Variants in AP1G1 observed in about 807,000 individuals in gnomAD.
AP1G1 encodes adaptor related protein complex 1 subunit gamma 1.
Under a neutral mutation model 108.3 loss-of-function variants are expected in AP1G1, and 7 were observed. The observed-to-expected ratio is 0.06, with a 90% CI of 0.04 to 0.12. The LOEUF (loss-of-function observed/expected upper bound fraction) is 0.12. AP1G1 is among the 10% of genes least tolerant of loss of function. The pLI is 1.00. For missense variants in AP1G1, 756 were observed against 1,010.7 expected (o/e 0.75, Z 3.42); for synonymous variants, 379 against 353.5 (o/e 1.07, Z -0.81).
intron 10 of AP1G1, among the ~76,000 whole-genome samples, chr16:71,759,356 G>A (rs2030964452): frequency 6.6e-6 from 1 of 152,178 alleles, no homozygotes; most frequent in Admixed American, 6.5e-5. Flanking sequence ...AGCTACTCGA[G>A]GGGCTGAGGC....
intron 2 of AP1G1, among the ~76,000 whole-genome samples, chr16:71,781,299 C>T (rs2145506775): frequency 6.6e-6 from 1 of 152,256 alleles, no homozygotes; most frequent in South Asian, 2.1e-4. Context: ...AAAACAAAAA[C>T]CTGACATTCC....
chr16:71,801,648 G>A (rs139593156), intron 1 of AP1G1, among the ~76,000 whole-genome samples: 341 of 152,268 alleles, frequency 2.2e-3, no homozygotes, highest in African/African-American at 4.5e-3. Context: ...CTTCAAGGCC[G>A]GGCGCGGTGG....
intron 1 of AP1G1, among the ~76,000 whole-genome samples, chr16:71,791,396 T>A (rs1173529650): frequency 6.6e-6 from 1 of 152,150 alleles, no homozygotes; most frequent in Non-Finnish European, 1.5e-5. Flanking sequence ...ATAGAATATA[T>A]ACCTGAGAAA....
intron 2 of AP1G1, among the ~76,000 whole-genome samples, chr16:71,782,466 A>AATTATTATTATT (rs112080769): frequency 3.2e-4 from 48 of 148,936 alleles, no homozygotes; most frequent in African/African-American, 1.1e-3. Flanking sequence ...CCCAGCCTAC[A>AATTATTATTATT]ATTATTATTA....
chr16:71,773,106 T>C (rs556136166), intron 4 of AP1G1, 115 bp downstream of exon 4: 3 of 1,133,532 alleles, frequency 2.6e-6, no homozygotes, highest in East Asian at 2.4e-5. Context: ...ACAGATTTAC[T>C]ACACAGAAAA....
At chr16:71,772,963 G>T in intron 4 of AP1G1, 1 of 532,576 alleles carries the variant, frequency 1.9e-6, no homozygotes, top group South Asian at 1.7e-5. Context: ...TAATCACCTT[G>T]CTGTAATACT....
intron 1 of AP1G1, among the ~76,000 whole-genome samples, chr16:71,803,972 C>T (rs1007915959): frequency 1.3e-5 from 2 of 149,554 alleles, no homozygotes; most frequent in Non-Finnish European, 3.0e-5. Context: ...TATTTCTTGA[C>T]CTCATTGAAA....
At chr16:71,808,006 A>G in intron 1 of AP1G1, 1 of 1,216,184 alleles carries the variant, frequency 8.2e-7, no homozygotes, top group Admixed American at 3.2e-5. Context: ...TCTGCTTCAT[A>G]AACATTACCC....
At chr16:71,794,655 A>G (rs2032514457) in intron 1 of AP1G1, among the ~76,000 whole-genome samples, 4 of 152,060 alleles carry the variant, frequency 2.6e-5, no homozygotes, top group Admixed American at 2.6e-4. Flanking sequence ...AATCAAAATT[A>G]TAAACAAACT....
chr16:71,758,537 G>A (rs762436935), intron 11 of AP1G1: 1 of 585,260 alleles, frequency 1.7e-6, no homozygotes, highest in South Asian at 1.4e-5. Context: ...ATCTGTGCCT[G>A]TTGTATTTAT....
At chr16:71,769,584 T>G (rs1228501928) in intron 6 of AP1G1, 39 bp downstream of exon 6, 1 of 1,552,632 alleles carries the variant, frequency 6.4e-7, no homozygotes, top group African/African-American at 1.4e-5. Flanking sequence ...AAATCATTTT[T>G]CAATCAAGAA....
chr16:71,780,134 C>T (rs2031954966), intron 2 of AP1G1, among the ~76,000 whole-genome samples: 2 of 151,652 alleles, frequency 1.3e-5, no homozygotes, highest in African/African-American at 4.8e-5. Context: ...GCTAAGACTA[C>T]AGGCACGCAC....
chr16:71,791,262 C>T (rs1277606450), intron 1 of AP1G1, among the ~76,000 whole-genome samples: 3 of 151,338 alleles, frequency 2.0e-5, no homozygotes, highest in Non-Finnish European at 2.9e-5. Flanking sequence ...ACAAAAAATC[C>T]TCACAGAACT....
chr16:71,808,797 G>T lies in AP1G1; in HGVS notation c.-38C>A. The stretch of plus-strand genomic sequence containing the variant: ...ACCTCGAATGAAACCAGCAGCTCCG[G>T]GGGCGGCGGCAGCAGTGGCAGCAGG... On this transcript the variant is annotated 5_prime_UTR_variant, in exon 1 of 23. Coordinates refer to ENST00000299980, the MANE Select transcript of AP1G1 (RefSeq NM_001128.6). The T allele has an allele frequency of 7.8e-7, 1 of 1,289,762 alleles. No homozygotes were observed. Among genetic ancestry groups the T allele is most frequent in the East Asian group, 5.6e-5 (1 of 18,004 alleles). 79.9% of individuals were successfully genotyped at this position (1,289,762 alleles called of 1,614,324 possible).
intron 6 of AP1G1, chr16:71,768,014 G>A: frequency 4.8e-6 from 5 of 1,033,778 alleles, no homozygotes; most frequent in Admixed American, 4.5e-5. Context: ...GGGAAAAAAA[G>A]CCAAAAAAGA....
intron 1 of AP1G1, among the ~76,000 whole-genome samples, chr16:71,793,883 G>A (rs946707694): frequency 9.2e-5 from 14 of 152,036 alleles, no homozygotes; most frequent in Non-Finnish European, 1.3e-4. Flanking sequence ...CTGACTGGCT[G>A]ATTTTTGTAT....
chr16:71,769,704 A>G lies in AP1G1; in HGVS notation c.566-5T>C. The G allele has an allele frequency of 6.2e-7, 1 of 1,611,652 alleles. No individual in the cohort carries two copies. The highest frequency in any genetic ancestry group is 8.5e-7 in the Non-Finnish European group (1 of 1,178,168). Reference sequence around the variant, plus strand: ...CTACAGATGTGTGGAGGACACCTGAAAGAAAAGATCAAAGGAAAACTAAAA... The same window carrying G: ...CTACAGATGTGTGGAGGACACCTGAGAGAAAAGATCAAAGGAAAACTAAAA... On this transcript the variant is annotated splice_region_variant and splice_polypyrimidine_tract_variant and intron_variant, in intron 5 of 22. Coordinates refer to ENST00000299980, the MANE Select transcript of AP1G1 (RefSeq NM_001128.6).
At chr16:71,795,217 G>A (rs1481195467) in intron 1 of AP1G1, among the ~76,000 whole-genome samples, 2 of 152,026 alleles carry the variant, frequency 1.3e-5, no homozygotes, top group African/African-American at 4.8e-5. Flanking sequence ...CAAAAAGCTG[G>A]AGCTTCTGCA....
intron 2 of AP1G1, among the ~76,000 whole-genome samples, chr16:71,787,948 C>G (rs1434288506): frequency 6.6e-6 from 1 of 152,184 alleles, no homozygotes; most frequent in East Asian, 1.9e-4. Context: ...GATGACCCAG[C>G]AGTTGCTTCT....
Sources: gnomAD v4.1 joint callset for allele counts (sites outside exome capture counted in the v4.1 genomes callset) on GRCh38, gnomAD v4.1.1 for gene constraint, MANE v1.5 for transcripts, NCBI Gene and HGNC (gene_info 2026-07-23, HGNC 2026-07-21) for gene names.